The following TULP4 variants were observed in gnomAD, a reference collection of about 807,000 sequenced individuals.
TULP4 encodes tubby-related protein 4.
Under a neutral mutation model 129.0 loss-of-function variants are expected in TULP4, and 16 were observed. The observed-to-expected ratio is 0.12, with a 90% confidence interval of 0.08 to 0.19. The LOEUF is 0.19. TULP4 is among the 10% of genes least tolerant of loss of function. TULP4 has a pLI of 1.00. For synonymous variants in TULP4, 998 were observed against 854.0 expected (o/e 1.17, Z -2.94); for missense variants, 1,842 against 2,059.1 (o/e 0.89, Z 2.04).
At chr6:158,270,281 C>T (rs946410782) in intron 1 of TULP4, among the ~76,000 whole-genome samples, 3 of 152,196 alleles carry the variant, frequency 2.0e-5, no homozygotes, top group Admixed American at 1.3e-4. Context: ...TTGTTTTGCT[C>T]TTGCATCATC....
chr6:158,263,267 A>G (rs1778383177), intron 1 of TULP4, among the ~76,000 whole-genome samples: 1 of 152,238 alleles, frequency 6.6e-6, no homozygotes, highest in South Asian at 2.1e-4. Context: ...TGAAGCACTA[A>G]TTACAACTGG....
At chr6:158,235,409 G>A (rs1427460578) in intron 1 of TULP4, among the ~76,000 whole-genome samples, 1 of 152,076 alleles carries the variant, frequency 6.6e-6, no homozygotes, top group Non-Finnish European at 1.5e-5. Flanking sequence ...TCATGTAAGT[G>A]CAATCACACA....
intron 2 of TULP4, among the ~76,000 whole-genome samples, chr6:158,415,245 A>G (rs1276928167): frequency 6.6e-6 from 1 of 152,206 alleles, no homozygotes; most frequent in East Asian, 1.9e-4. Flanking sequence ...GCTGTATAAA[A>G]GTATAGCACA....
chr6:158,406,709 T>C (rs1184542946), intron 1 of TULP4, among the ~76,000 whole-genome samples: 1 of 152,252 alleles, frequency 6.6e-6, no homozygotes, highest in African/African-American at 2.4e-5. Flanking sequence ...ATGAGAAGCA[T>C]GGAATGGTAG....
rs1779643702 is a variant in TULP4 at position 158,321,836 on chromosome 6, A to G, written c.252+7568A>G. ...TAAGTTTTTTAAGTGTTTTAAAAAT[A>G]TTATAAAAATTTACTTCTAAAGTAC... On this transcript the variant is annotated intron_variant, in intron 1 of 13. Coordinates refer to ENST00000367097, the MANE Select transcript of TULP4 (RefSeq NM_020245.5). 2.6e-5 allele frequency among the ~76,000 whole-genome samples: 4 copies of G among 152,246 alleles called. 1 individual carries two copies. In the South Asian group the frequency reaches 8.3e-4, roughly 32 times the overall value.
chr6:158,356,839 C>CT (rs1441812581), intron 1 of TULP4, among the ~76,000 whole-genome samples: 3 of 151,356 alleles, frequency 2.0e-5, no homozygotes, highest in Non-Finnish European at 2.9e-5. Context: ...AAAGTAACTC[C>CT]TTAGGAACTG....
rs1377906316 is a variant in TULP4, at chr6:158,429,850, T to C, written c.496T>C (p.Leu166=). 2 of 1,613,972 alleles carry C rather than the reference T, an allele frequency of 1.2e-6. No individual in the cohort carries two copies. The highest frequency in any genetic ancestry group is 1.7e-5 in the Admixed American group (1 of 59,986). Residue 166 remains leucine (L), a synonymous_variant, in exon 3 of 14, where the codon TTG becomes CTG. Transcript: ENST00000367097. ...AAGACACTGGTCATCCGAAATCAACTTGGAAAGTCAAATTACGTGTGGCAT... is the reference window on the plus strand; with the variant it reads ...AAGACACTGGTCATCCGAAATCAACCTGGAAAGTCAAATTACGTGTGGCAT... ...GQRHWSSEIN[L]ESQITCGIWT...
intron 1 of TULP4, chr6:158,238,495 T>C (rs1479031521): frequency 8.4e-6 from 3 of 356,712 alleles, no homozygotes; most frequent in Non-Finnish European, 1.5e-5. Flanking sequence ...GGCAGGGTCA[T>C]GGGACAATAG....
chr6:158,479,702 C>A, intron 6 of TULP4, 49 bp from the exon 7 acceptor site: 1 of 1,560,044 alleles, frequency 6.4e-7, no homozygotes. Context: ...CTTTTTGCTT[C>A]CCACAAGAGC....
chr6:158,447,778 C>A (rs1335335161), intron 3 of TULP4, among the ~76,000 whole-genome samples: 1 of 152,232 alleles, frequency 6.6e-6, no homozygotes, highest in Admixed American at 6.5e-5. Context: ...ACAGCCTTGG[C>A]TTGATCACTT....
chr6:158,423,702 G>A lies in TULP4; in HGVS notation c.382-6034G>A, dbSNP rs182641247. On this transcript the variant is annotated intron_variant, in intron 2 of 13. Coordinates refer to ENST00000367097, the MANE Select transcript of TULP4 (RefSeq NM_020245.5). ...GCCACGCAGGCTGGAGTGCAGTGGC[G>A]CAATCTTGACTCACTGCAAGCTCTG... Among the ~76,000 whole-genome samples the A allele has an allele frequency of 1.1e-3, 172 of 152,054 alleles. 1 individual carries two copies. Among genetic ancestry groups the A allele is most frequent in the African/African-American group, 3.8e-3 (159 of 41,450 alleles).
chr6:158,422,692 A>T (rs1191673482), intron 2 of TULP4, among the ~76,000 whole-genome samples: 1 of 152,248 alleles, frequency 6.6e-6, no homozygotes, highest in Non-Finnish European at 1.5e-5. Context: ...GGTGGATACC[A>T]GCCAGGTCTA....
chr6:158,362,956 G>A (rs1780831340), intron 1 of TULP4, among the ~76,000 whole-genome samples: 1 of 151,820 alleles, frequency 6.6e-6, no homozygotes, highest in Admixed American at 6.6e-5. Flanking sequence ...CAGCTACTCG[G>A]GAGGCTAAGG....
chr6:158,487,223 C>T (rs1276418139), intron 8 of TULP4, among the ~76,000 whole-genome samples: 1 of 151,992 alleles, frequency 6.6e-6, no homozygotes, highest in Admixed American at 6.5e-5. Flanking sequence ...TGCACCACTG[C>T]ACTCCAGCCT....
chr6:158,414,751 C>A (rs1778170351), intron 2 of TULP4, among the ~76,000 whole-genome samples: 1 of 152,116 alleles, frequency 6.6e-6, no homozygotes, highest in Admixed American at 6.5e-5. Context: ...TTTAGGGTGG[C>A]CAGAGGACTT....
rs1258870218 is a variant in TULP4, at chr6:158,413,975, A to G, written c.381+782A>G. On this transcript the variant is annotated intron_variant, in intron 2 of 13. Transcript: ENST00000367097. This position sits in a 1 kb window ranked among gnomAD's most constrained non-coding sequence, Gnocchi z 4.9. ...ATGATTTCCCTGTGGCTGCCTTTCT[A>G]TACACTTCTAAGGTACTTGGATTCT... Among the ~76,000 whole-genome samples the G allele has an allele frequency of 1.3e-5, 2 of 152,204 alleles. No homozygotes were observed. Among genetic ancestry groups the G allele is most frequent in the Non-Finnish European group, 2.9e-5 (2 of 68,030 alleles).
chr6:158,394,936 G>A (rs1369899669), intron 1 of TULP4, among the ~76,000 whole-genome samples: 1 of 152,036 alleles, frequency 6.6e-6, no homozygotes, highest in East Asian at 1.9e-4. Flanking sequence ...CAGTTGGAAG[G>A]CAAAGGGGAA....
rs1019519588 is a variant in TULP4 at position 158,503,282 on chromosome 6, T to A, written c.3619T>A (p.Cys1207Ser). 1.2e-6 allele frequency: 2 copies of A among 1,613,964 alleles called. No individual in the cohort carries two copies. Among genetic ancestry groups the A allele is most frequent in the Non-Finnish European group, 1.7e-6 (2 of 1,179,992 alleles). Reference sequence around the variant, plus strand: ...CCCTTTGCCTGGAGTGCAGGCTCCCTGCTCTCCCAAAGATGCCCTGTCCCC... The same window carrying A: ...CCCTTTGCCTGGAGTGCAGGCTCCCAGCTCTCCCAAAGATGCCCTGTCCCC... ...NPPLPGVQAP[C>S]SPKDALSPTQ... Residue 1207 changes from cysteine (C) to serine (S), a missense_variant, in exon 13 of 14, where the codon TGC (cysteine) becomes AGC (serine). Cys to Ser is a moderately radical substitution (Grantham distance 112, BLOSUM62 -1). Transcript: ENST00000367097. The surrounding 1 kb of genome is among the most constrained non-coding windows in gnomAD (Gnocchi z 4.3).
At chr6:158,439,549 G>C (rs1214662479) in intron 3 of TULP4, among the ~76,000 whole-genome samples, 1 of 152,044 alleles carries the variant, frequency 6.6e-6, no homozygotes. Flanking sequence ...GAGCCTGCTG[G>C]TTTTGAATCC....
Sources: allele counts gnomAD v4.1 joint callset (sites outside exome capture counted in the v4.1 genomes callset), GRCh38; gene constraint gnomAD v4.1.1; non-coding constraint Gnocchi (gnomAD v3.1); transcripts MANE v1.5; gene names NCBI Gene and HGNC (gene_info 2026-07-23, HGNC 2026-07-21).